Variants in KSR1 observed in about 807,000 individuals in gnomAD.
The protein encoded by KSR1 is kinase suppressor of ras.
A neutral mutation model predicts 92.9 loss-of-function variants in KSR1; 35 were observed. The ratio of observed to expected loss-of-function variants is 0.38; its 90% CI spans 0.29 to 0.50. The LOEUF (loss-of-function observed/expected upper bound fraction) is 0.50, where lower values mean the gene tolerates loss of function less well. Among genes scored for constraint, KSR1 ranks in the 20% least tolerant of loss-of-function variants. The pLI, the probability that KSR1 is intolerant of heterozygous loss-of-function variation, is 0.94. For synonymous variants in KSR1, 467 were observed against 472.6 expected, an observed-to-expected ratio of 0.99 and a Z score of 0.15; for missense variants, 972 against 1,158.5, an observed-to-expected ratio of 0.84 and a Z score of 2.34.
rs552183626 is a variant in KSR1 at position 27,538,626 on chromosome 17, G to A, written c.232-11942G>A. Among the ~76,000 whole-genome samples the A allele has an allele frequency of 3.9e-5, 6 of 152,336 alleles. No individual in the cohort carries two copies. In the East Asian group the frequency reaches 5.8e-4, roughly 15 times the overall value. ...GGTTGTGATGTGAAGACTGGGCTGC[G>A]AGCCACTGACTGAGACCAGTTCATC... On this transcript the variant is annotated intron_variant, in intron 1 of 20. Coordinates refer to ENST00000644974, the MANE Select transcript of KSR1 (RefSeq NM_001394583.1).
At chr17:27,601,786 G>C (rs2073567076) in intron 11 of KSR1, 3 of 792,650 alleles carry the variant, frequency 3.8e-6, no homozygotes, top group East Asian at 5.3e-5. Context: ...CTTGCACAAT[G>C]ATGGGAGGAT....
At chr17:27,586,064 A>C in intron 5 of KSR1, 1 of 233,734 alleles carries the variant, frequency 4.3e-6, no homozygotes, top group South Asian at 7.6e-5. Flanking sequence ...CCATCTCCAG[A>C]ACCCCACCTG....
intron 9 of KSR1, among the ~76,000 whole-genome samples, chr17:27,594,544 A>C (rs1404074066): frequency 3.3e-5 from 5 of 152,050 alleles, no homozygotes; most frequent in Admixed American, 3.3e-4. Flanking sequence ...TCCTGCGTGC[A>C]CCTGCTCGAC....
intron 1 of KSR1, among the ~76,000 whole-genome samples, chr17:27,546,818 G>A (rs1179800029): frequency 4.6e-5 from 7 of 152,158 alleles, no homozygotes; most frequent in Admixed American, 3.9e-4. Flanking sequence ...AAGCTCACTC[G>A]TGTGTCTACG....
chr17:27,526,524 C>T, intron 1 of KSR1: 3 of 1,604,486 alleles, frequency 1.9e-6, no homozygotes, highest in Non-Finnish European at 2.6e-6. Flanking sequence ...TGCCATCTCA[C>T]ACTCTCGCTC....
intron 1 of KSR1, among the ~76,000 whole-genome samples, chr17:27,461,520 C>T (rs928079169): frequency 1.3e-5 from 2 of 152,260 alleles, no homozygotes; most frequent in African/African-American, 2.4e-5. Flanking sequence ...TCTGTGGCCA[C>T]AGTTGTAACC....
intron 1 of KSR1, among the ~76,000 whole-genome samples, chr17:27,476,172 GTGAGCGATTCT>G (rs1175570359): frequency 6.6e-6 from 1 of 152,232 alleles, no homozygotes; most frequent in African/African-American, 2.4e-5. Flanking sequence ...ACCATGCTCA[GTGAGCGATTCT>G]TGAGCCCCCA....
At chr17:27,590,694 G>GGGCTCTGGGATGGAGCCAAGA in intron 6 of KSR1, 117 bp from the exon 7 acceptor site, 1 of 882,966 alleles carries the variant, frequency 1.1e-6, no homozygotes. Context: ...GGGGGCCAAG[G>GGGCTCTGGGATGGAGCCAAGA]GGCTCTGGGA....
At chr17:27,568,246 G>C (rs1472511838) in intron 2 of KSR1, among the ~76,000 whole-genome samples, 2 of 152,178 alleles carry the variant, frequency 1.3e-5, no homozygotes, top group African/African-American at 2.4e-5. Flanking sequence ...TGGTTCTTCT[G>C]TCTCCAGCTC....
At chr17:27,552,449 A>G (rs555693947) in intron 2 of KSR1, among the ~76,000 whole-genome samples, 38 of 152,342 alleles carry the variant, frequency 2.5e-4, no homozygotes, top group Non-Finnish European at 4.9e-4. Flanking sequence ...TTTGGCCCCA[A>G]GTGGGTGGTG....
At chr17:27,573,023 G>A (rs1367701148) in intron 2 of KSR1, among the ~76,000 whole-genome samples, 1 of 152,204 alleles carries the variant, frequency 6.6e-6, no homozygotes. Flanking sequence ...GTCCCCTGGA[G>A]TACTTGCTAC....
chr17:27,599,640 T>C (rs1398543144), intron 10 of KSR1, among the ~76,000 whole-genome samples: 1 of 152,232 alleles, frequency 6.6e-6, no homozygotes, highest in Non-Finnish European at 1.5e-5. Flanking sequence ...TATTGTAGAC[T>C]TTATAAACAC....
intron 2 of KSR1, among the ~76,000 whole-genome samples, chr17:27,561,992 C>T (rs1315283915): frequency 6.6e-6 from 1 of 152,176 alleles, no homozygotes; most frequent in Admixed American, 6.5e-5. Flanking sequence ...ACCACAGGAA[C>T]ATGCCACCAC....
intron 1 of KSR1, among the ~76,000 whole-genome samples, chr17:27,457,172 A>G (rs760394051): frequency 6.8e-6 from 1 of 146,842 alleles, no homozygotes; most frequent in African/African-American, 2.5e-5. Flanking sequence ...CCCCATTTCC[A>G]GTTTGCGGGG....
At chr17:27,506,720 G>C (rs1222343337) in intron 1 of KSR1, among the ~76,000 whole-genome samples, 5 of 143,192 alleles carry the variant, frequency 3.5e-5, no homozygotes, top group South Asian at 4.4e-4. Flanking sequence ...TCTGTGGTGC[G>C]AGTGTTGGTT....
intron 2 of KSR1, among the ~76,000 whole-genome samples, chr17:27,571,847 C>G (rs1424401656): frequency 2.6e-4 from 40 of 152,248 alleles, no homozygotes; most frequent in Non-Finnish European, 2.9e-5. Flanking sequence ...CCTGGTCCAC[C>G]TGACTGGCCA....
chr17:27,609,138 C>T, intron 15 of KSR1, 58 bp from the exon 16 acceptor site: 2 of 1,564,932 alleles, frequency 1.3e-6, no homozygotes, highest in South Asian at 1.2e-5. Context: ...ATCATCCAGC[C>T]CAGGGTGGCA....
intron 2 of KSR1, among the ~76,000 whole-genome samples, chr17:27,576,780 A>G (rs2151152896): frequency 1.3e-5 from 2 of 152,352 alleles, no homozygotes; most frequent in Admixed American, 1.3e-4. Flanking sequence ...GTTTTAGGCT[A>G]TGGTTGGCTG....
intron 4 of KSR1, chr17:27,583,940 G>A (rs1050935984): frequency 6.1e-6 from 6 of 982,468 alleles, no homozygotes; most frequent in Non-Finnish European, 7.3e-6. Context: ...AGCCAACCAG[G>A]CTAGCAGTTT....
Sources: gnomAD v4.1 joint callset for allele counts (sites outside exome capture counted in the v4.1 genomes callset) on GRCh38, gnomAD v4.1.1 for gene constraint, MANE v1.5 for transcripts, NCBI Gene and HGNC (gene_info 2026-07-23, HGNC 2026-07-21) for gene names.